The following NT5C1A variants were observed in gnomAD, a reference collection of about 807,000 sequenced individuals.
NT5C1A encodes cytosolic 5'-nucleotidase 1A.
In NT5C1A, 18 loss-of-function variants were observed where a neutral mutation model predicts 31.0. That is an observed-to-expected ratio of 0.58 (90% confidence interval 0.40 to 0.86). The LOEUF (loss-of-function observed/expected upper bound fraction) is 0.86, where lower values mean the gene tolerates loss of function less well. Among genes scored for constraint, NT5C1A ranks in the 40% least tolerant of loss-of-function variants. NT5C1A has a pLI of 0.00. For synonymous variants in NT5C1A, 185 were observed against 203.6 expected, an observed-to-expected ratio of 0.91 and a Z score of 0.78; for missense variants, 470 against 505.4, an observed-to-expected ratio of 0.93 and a Z score of 0.67.
At position 39,663,343 on chromosome 1, in the gene NT5C1A, A is replaced by T. The variant is rs1359096982; in HGVS notation, c.525T>A (p.Asp175Glu). The change falls in exon 4 of 6, where the codon GAT becomes GAA. Residue 175 changes from aspartate (D) to glutamate (E), a missense_variant. Physicochemically the swap from Asp to Glu is conservative, Grantham distance 45 (BLOSUM62 2). Transcript: ENST00000235628. ...AYHTNLYLSA[D>E]AEKVREAIDE... ...CAATGGCTTCTCGCACTTTTTCCGC[A>T]TCGGCTGACAAGTAGAGGTTGGTGT... The T allele has an allele frequency of 1.2e-6, 2 of 1,614,014 alleles. No individual in the cohort carries two copies. Among genetic ancestry groups the T allele is most frequent in the South Asian group, 1.1e-5 (1 of 91,080 alleles).
In NT5C1A at chr1:39,665,726, A is replaced by T. The variant is rs754323241; in HGVS notation, c.304-76T>A. 132 of 1,435,292 alleles carry T rather than the reference A, an allele frequency of 9.2e-5. 1 individual carries two copies. Among genetic ancestry groups the T allele is most frequent in the Middle Eastern group, 8.7e-4 (4 of 4,580 alleles). The allele number at this position is 1,435,292 out of a possible 1,614,324, so 88.9% of individuals were successfully genotyped here. On this transcript the variant is annotated intron_variant, in intron 2 of 5. Coordinates refer to ENST00000235628, the MANE Select transcript of NT5C1A (RefSeq NM_032526.3). Reference sequence around the variant, plus strand: ...GAAGTTGGTGGCCAAGGATTCAGTGAGGGGAGGTGAGGAGCCATGCTTGGG... The same window carrying T: ...GAAGTTGGTGGCCAAGGATTCAGTGTGGGGAGGTGAGGAGCCATGCTTGGG...
At chr1:39,671,591 G>A (rs922091858) in intron 1 of NT5C1A, among the ~76,000 whole-genome samples, 1 of 152,170 alleles carries the variant, frequency 6.6e-6, no homozygotes, top group Admixed American at 6.6e-5. Flanking sequence ...GACCAGCTTC[G>A]CCAACAAGTG....
At position 39,671,980 on chromosome 1, in the gene NT5C1A, T is replaced by A; in HGVS notation, c.59A>T (p.Glu20Val). 1 of 1,611,374 alleles carries A rather than the reference T, an allele frequency of 6.2e-7. No homozygotes were observed. Among genetic ancestry groups the A allele is most frequent in the Non-Finnish European group, 8.5e-7 (1 of 1,179,712 alleles). ...CTCCCAGACCGGGGCCGCAGCGGTC[T>A]CCGCTCCTGGCCCGGGCTCGCGGGG... is the stretch of plus-strand genomic sequence containing the variant. Reference protein sequence around the residue: ...QEPREPGPGAETAAAPVWEEA... With the variant: ...QEPREPGPGAVTAAAPVWEEA... The change falls in exon 1 of 6, where the codon GAG becomes GTG. Residue 20 changes from glutamate (E) to valine (V), a missense_variant. Transcript: ENST00000235628.
chr1:39,665,945 G>A (rs915720990), intron 2 of NT5C1A, 124 bp downstream of exon 2: 7 of 898,266 alleles, frequency 7.8e-6, no homozygotes, highest in Non-Finnish European at 1.2e-5. Flanking sequence ...TAGCCAAGCT[G>A]TGTACCTGTG....
At chr1:39,660,766 C>T (rs1008364623) in intron 5 of NT5C1A, among the ~76,000 whole-genome samples, 2 of 151,534 alleles carry the variant, frequency 1.3e-5, no homozygotes, top group South Asian at 4.2e-4. Flanking sequence ...AGAATGGGGA[C>T]GTCAGGGAGG....
chr1:39,667,285 T>G (rs547584646), intron 1 of NT5C1A, among the ~76,000 whole-genome samples: 48 of 144,266 alleles, frequency 3.3e-4, no homozygotes, highest in African/African-American at 1.2e-3. Flanking sequence ...CACTGCAACC[T>G]CCACCTCTCA....
At chr1:39,671,810 G>T in intron 1 of NT5C1A, 94 bp downstream of exon 1, 1 of 1,485,522 alleles carries the variant, frequency 6.7e-7, no homozygotes, top group Non-Finnish European at 9.2e-7. Flanking sequence ...TCCCCTCCCA[G>T]AGGGGCGCCA....
At chr1:39,660,013 A>G (rs1437243375) in intron 5 of NT5C1A, among the ~76,000 whole-genome samples, 2 of 152,192 alleles carry the variant, frequency 1.3e-5, no homozygotes, top group Admixed American at 6.5e-5. Context: ...GCCCAGAACA[A>G]TGAAGCTTCC....
At chr1:39,668,191 G>A (rs559010956) in intron 1 of NT5C1A, among the ~76,000 whole-genome samples, 1 of 152,304 alleles carries the variant, frequency 6.6e-6, no homozygotes, top group East Asian at 1.9e-4. Context: ...AACCCTGGAA[G>A]CCTGGAGGCC....
intron 1 of NT5C1A, among the ~76,000 whole-genome samples, chr1:39,669,351 G>C (rs919333594): frequency 6.6e-6 from 1 of 152,168 alleles, no homozygotes; most frequent in African/African-American, 2.4e-5. Flanking sequence ...TTCCCAGTAG[G>C]ACTTAGAGAG....
At chr1:39,668,710 C>T (rs1431131747) in intron 1 of NT5C1A, among the ~76,000 whole-genome samples, 2 of 152,344 alleles carry the variant, frequency 1.3e-5, no homozygotes, top group Non-Finnish European at 2.9e-5. Context: ...CTCCCCCAGC[C>T]TTCACTTTCC....
intron 5 of NT5C1A, 67 bp downstream of exon 5, chr1:39,661,012 G>T: frequency 1.1e-6 from 1 of 907,892 alleles, no homozygotes; most frequent in Non-Finnish European, 1.7e-6. Flanking sequence ...GGCTGGGAGT[G>T]CAGGCCAAGG....
In NT5C1A at chr1:39,655,602, G is replaced by C. The variant is rs1646454869; in HGVS notation, c.*3519C>G. ...AGTATGACAAAATGGTTGAAAACCTGGGTCCTAGAATCAGATGGACATGAG... is the reference window on the plus strand; with the variant it reads ...AGTATGACAAAATGGTTGAAAACCTCGGTCCTAGAATCAGATGGACATGAG... On this transcript the variant is annotated 3_prime_UTR_variant, in exon 6 of 6. Coordinates refer to ENST00000235628, the MANE Select transcript of NT5C1A (RefSeq NM_032526.3). 6.6e-6 allele frequency among the ~76,000 whole-genome samples: 1 copy of C among 152,094 alleles called. No individual in the cohort carries two copies. Among genetic ancestry groups the C allele is most frequent in the South Asian group, 2.1e-4 (1 of 4,812 alleles).
intron 3 of NT5C1A, among the ~76,000 whole-genome samples, chr1:39,664,244 C>T (rs1307633853): frequency 6.6e-6 from 1 of 151,164 alleles, no homozygotes; most frequent in Non-Finnish European, 1.5e-5. Context: ...AGCTCCGCCT[C>T]CCGGGTTCAC....
chr1:39,666,005 G>A (rs1357331531), intron 2 of NT5C1A, 64 bp downstream of exon 2: 1 of 1,472,506 alleles, frequency 6.8e-7, no homozygotes, highest in Non-Finnish European at 9.3e-7. Context: ...AATACTCATG[G>A]GAGTGCTTTT....
At chr1:39,670,905 C>T (rs561925613) in intron 1 of NT5C1A, among the ~76,000 whole-genome samples, 1 of 152,132 alleles carries the variant, frequency 6.6e-6, no homozygotes, top group Non-Finnish European at 1.5e-5. Flanking sequence ...ATCTCTGGAG[C>T]CTCCATCATT....
chr1:39,658,701 G>A lies in NT5C1A; in HGVS notation c.*420C>T, dbSNP rs1457722759. On this transcript the variant is annotated 3_prime_UTR_variant, in exon 6 of 6. Coordinates refer to ENST00000235628, the MANE Select transcript of NT5C1A (RefSeq NM_032526.3). ...GGGAAACTGGGGGCCATGAAGGGGA[G>A]GGATTACTCAAAGTCATGCAGTTAA... Among the ~76,000 whole-genome samples, 1 of 152,152 alleles carries A rather than the reference G, an allele frequency of 6.6e-6. No homozygotes were observed.
intron 3 of NT5C1A, 143 bp downstream of exon 3, chr1:39,665,378 G>T: frequency 1.4e-6 from 1 of 710,570 alleles, no homozygotes; most frequent in Non-Finnish European, 2.1e-6. Flanking sequence ...TTGTTTGTTT[G>T]TTTAAAGAGC....
rs182765205 is a variant in NT5C1A at position 39,669,192 on chromosome 1, G to T, written c.135+2712C>A. 1.3e-3 allele frequency among the ~76,000 whole-genome samples: 205 copies of T among 152,306 alleles called. 1 individual carries two copies. Among genetic ancestry groups the T allele is most frequent in the African/African-American group, 4.8e-3 (198 of 41,576 alleles). ...CTGGCAGCTCTCTCTGCCTTTCAGG[G>T]TCAGGCTGATGGCTCCGGCTAGGGG... On this transcript the variant is annotated intron_variant, in intron 1 of 5. Coordinates refer to ENST00000235628, the MANE Select transcript of NT5C1A (RefSeq NM_032526.3).
Sources: gnomAD v4.1 joint callset for allele counts (sites outside exome capture counted in the v4.1 genomes callset) on GRCh38, gnomAD v4.1.1 for gene constraint, MANE v1.5 for transcripts, NCBI Gene and HGNC (gene_info 2026-07-23, HGNC 2026-07-21) for gene names.